Variants in CUBN observed in about 807,000 individuals in gnomAD.
CUBN encodes cubilin.
A neutral mutation model predicts 405.3 loss-of-function variants in CUBN; 282 were observed. That is an observed-to-expected ratio of 0.70 (90% CI 0.63 to 0.77). The LOEUF is 0.77. CUBN is among the 30% of genes least tolerant of loss of function. The pLI is 0.00. For synonymous variants in CUBN, 1,684 were observed against 1,617.0 expected (o/e 1.04, Z -0.99); for missense variants, 4,514 against 4,475.2 (o/e 1.01, Z -0.25).
intron 48 of CUBN, among the ~76,000 whole-genome samples, chr10:16,908,607 T>C (rs1239372753): frequency 2.0e-5 from 3 of 152,226 alleles, no homozygotes; most frequent in African/African-American, 7.2e-5. Context: ...AAATATTAAA[T>C]AATAGCTGTA....
intron 25 of CUBN, 22 bp from the exon 26 acceptor site, chr10:17,044,005 G>A: frequency 6.2e-7 from 1 of 1,603,292 alleles, no homozygotes; most frequent in South Asian, 1.1e-5. Context: ...TATTTTGAAT[G>A]TTAGATGGTT....
intron 40 of CUBN, among the ~76,000 whole-genome samples, chr10:16,932,027 G>A (rs1374556688): frequency 6.6e-6 from 1 of 152,296 alleles, no homozygotes; most frequent in Admixed American, 6.5e-5. Flanking sequence ...GATGTGAAGA[G>A]GGCATTCTGG....
At chr10:16,922,050 A>G (rs1205257457) in intron 43 of CUBN, among the ~76,000 whole-genome samples, 2 of 152,072 alleles carry the variant, frequency 1.3e-5, no homozygotes, top group African/African-American at 4.8e-5. Context: ...TTTCTCCTTG[A>G]TACCTTTCAC....
In CUBN at chr10:17,047,678, T is replaced by A. The variant is rs539239678; in HGVS notation, c.3140-75A>T. The A allele has an allele frequency of 4.1e-5, 55 of 1,334,794 alleles. No homozygotes were observed. The Admixed American group carries it at 6.7e-4, about 16-fold the overall frequency. 82.7% of individuals were successfully genotyped at this position (1,334,794 alleles called of 1,614,324 possible). Reference sequence around the variant, plus strand: ...TTTATAATACATCCAGTAATATGTATTTCATTAATTTGTGCCTATACTTGA... The same window carrying A: ...TTTATAATACATCCAGTAATATGTAATTCATTAATTTGTGCCTATACTTGA... On this transcript the variant is annotated intron_variant, in intron 22 of 66. Transcript: ENST00000377833.
intron 14 of CUBN, among the ~76,000 whole-genome samples, chr10:17,095,054 CAG>C (rs1194922392): frequency 6.6e-6 from 1 of 151,982 alleles, no homozygotes; most frequent in Non-Finnish European, 1.5e-5. Flanking sequence ...GCATTAAAAA[CAG>C]ATATCTAGAC....
chr10:16,844,986 T>C (rs964806976), intron 60 of CUBN, among the ~76,000 whole-genome samples: 1 of 152,202 alleles, frequency 6.6e-6, no homozygotes, highest in African/African-American at 2.4e-5. Flanking sequence ...CTAAGTCTTG[T>C]GGATGTGGGT....
chr10:16,839,771 G>A (rs1008178762), intron 62 of CUBN, among the ~76,000 whole-genome samples: 19 of 151,690 alleles, frequency 1.3e-4, no homozygotes, highest in African/African-American at 4.6e-4. Context: ...GCACACGTAT[G>A]TTTATTGCGG....
Position 17,109,642 on chromosome 10 carries a change from A to G in CUBN, c.1109T>C (p.Leu370Pro). Residue 370 changes from leucine to proline, a missense_variant and splice_region_variant, in exon 10 of 67, where the codon CTA (leucine) becomes CCA (proline). By Grantham distance (98) the Leu-to-Pro change is moderately conservative. Coordinates refer to ENST00000377833, the MANE Select transcript of CUBN (RefSeq NM_001081.4). ...CHPDASCSSTLGSLPLCTCLP... is the reference protein window; with the variant it reads ...CHPDASCSSTPGSLPLCTCLP... Reference sequence around the variant, plus strand: ...CAAAGAGAGAGATGAGTCATTACCTAGAGTTGAGGAGCATGAGGCATCTGG... The same window carrying G: ...CAAAGAGAGAGATGAGTCATTACCTGGAGTTGAGGAGCATGAGGCATCTGG... 1 of 1,612,602 alleles carries G rather than the reference A, an allele frequency of 6.2e-7. No homozygotes were observed. Among genetic ancestry groups the G allele is most frequent in the Non-Finnish European group, 8.5e-7 (1 of 1,178,692 alleles).
chr10:16,862,703 A>C (rs139575106), intron 59 of CUBN, among the ~76,000 whole-genome samples: 124 of 152,326 alleles, frequency 8.1e-4, no homozygotes, highest in African/African-American at 2.9e-3. Context: ...ATGCTATAAC[A>C]AAGCCAGGCT....
chr10:17,110,234 T>C (rs1322060930), intron 9 of CUBN, among the ~76,000 whole-genome samples: 1 of 152,234 alleles, frequency 6.6e-6, no homozygotes, highest in African/African-American at 2.4e-5. Flanking sequence ...GATATATGCC[T>C]ACTGTGATGC....
At chr10:16,956,743 A>G (rs960255957) in intron 31 of CUBN, among the ~76,000 whole-genome samples, 1 of 152,280 alleles carries the variant, frequency 6.6e-6, no homozygotes, top group Non-Finnish European at 1.5e-5. Context: ...GAATACACCA[A>G]TTGAATCTTA....
chr10:16,839,852 G>A (rs1332937532), intron 62 of CUBN, among the ~76,000 whole-genome samples: 1 of 152,022 alleles, frequency 6.6e-6, no homozygotes, highest in Non-Finnish European at 1.5e-5. Flanking sequence ...TTAAGAAAAT[G>A]TGGCACATAC....
chr10:17,054,898 T>G (rs1235521664), intron 22 of CUBN, among the ~76,000 whole-genome samples: 1 of 152,128 alleles, frequency 6.6e-6, no homozygotes, highest in Non-Finnish European at 1.5e-5. Context: ...ATTGTTTATA[T>G]TCCACAAACT....
chr10:16,904,253 A>G lies in CUBN; in HGVS notation c.7913-138T>C, dbSNP rs1265305525. 4 of 827,714 alleles carry G rather than the reference A, an allele frequency of 4.8e-6. No individual in the cohort carries two copies. In the East Asian group the frequency reaches 1.0e-4, roughly 22 times the overall value. 51.3% of individuals were successfully genotyped at this position (827,714 alleles called of 1,614,324 possible). On this transcript the variant is annotated intron_variant, in intron 50 of 66. Transcript: ENST00000377833. Reference sequence around the variant, plus strand: ...GATTTAGTAGCAGACATTGCACAATATTTGTGTGTCTCTGTTAACTGCAAC... The same window carrying G: ...GATTTAGTAGCAGACATTGCACAATGTTTGTGTGTCTCTGTTAACTGCAAC...
At chr10:17,090,383 G>A (rs1175537216) in intron 14 of CUBN, among the ~76,000 whole-genome samples, 1 of 151,674 alleles carries the variant, frequency 6.6e-6, no homozygotes, top group Non-Finnish European at 1.5e-5. Context: ...TAATGGGGGA[G>A]AAAGAACAGA....
At chr10:16,888,642 T>C in intron 55 of CUBN, 76 bp from the exon 56 acceptor site, 1 of 1,261,840 alleles carries the variant, frequency 7.9e-7, no homozygotes, top group Non-Finnish European at 1.2e-6. Flanking sequence ...GAAAGAGGCA[T>C]TTTCCTAAAT....
At position 17,023,288 on chromosome 10, in the gene CUBN, C is replaced by T. The variant is rs1834552197; in HGVS notation, c.4018-3305G>A. 2.0e-5 allele frequency among the ~76,000 whole-genome samples: 3 copies of T among 149,380 alleles called. No individual in the cohort carries two copies. The South Asian group carries it at 6.4e-4, about 32-fold the overall frequency. On this transcript the variant is annotated intron_variant, in intron 27 of 66. Transcript: ENST00000377833. ...TTGCCTTTGGGGGGAGAAAATTATG[C>T]ATTAAAATAAGCATCAAATAGACAT... is the stretch of plus-strand genomic sequence containing the variant.
At position 16,907,849 on chromosome 10, in the gene CUBN, G is replaced by A. The variant is rs1459142268; in HGVS notation, c.7534-170C>T. Among the ~76,000 whole-genome samples, 4 of 152,238 alleles carry A rather than the reference G, an allele frequency of 2.6e-5. No homozygotes were observed. The East Asian group carries it at 5.8e-4, about 22-fold the overall frequency. On this transcript the variant is annotated intron_variant, in intron 48 of 66. Transcript: ENST00000377833. ...CAGTGCCACAAGCCACTGTTACCCC[G>A]AGCACATTTTGTGACTTCAGGGTGA... is the stretch of plus-strand genomic sequence containing the variant.
chr10:16,920,192 A>T, intron 43 of CUBN, 55 bp from the exon 44 acceptor site: 1 of 1,542,484 alleles, frequency 6.5e-7, no homozygotes, highest in Non-Finnish European at 8.9e-7. Flanking sequence ...GATGCAGTCA[A>T]TGGCCACAAA....
Sources: allele counts gnomAD v4.1 joint callset (sites outside exome capture counted in the v4.1 genomes callset), GRCh38; gene constraint gnomAD v4.1.1; transcripts MANE v1.5; gene names NCBI Gene and HGNC (gene_info 2026-07-23, HGNC 2026-07-21).